CDH13: variants seen among roughly 807,000 people sequenced by gnomAD.
CDH13 encodes the protein cadherin 13.
CDH13 carries 24 observed loss-of-function variants against 63.8 expected under a neutral mutation model. That is an observed-to-expected ratio of 0.38 (90% CI 0.27 to 0.53). The LOEUF is 0.53. CDH13 is among the 20% of genes least tolerant of loss of function. CDH13 has a pLI of 0.85. For synonymous variants in CDH13, 503 were observed against 355.3 expected (o/e 1.42, Z -4.67); for missense variants, 1,049 against 903.1 (o/e 1.16, Z -2.07).
At chr16:82,638,538 C>G (rs899938555) in intron 1 of CDH13, among the ~76,000 whole-genome samples, 1 of 152,140 alleles carries the variant, frequency 6.6e-6, no homozygotes, top group African/African-American at 2.4e-5. Context: ...ACTTTTCACC[C>G]TATGCTCCAA....
intron 8 of CDH13, among the ~76,000 whole-genome samples, chr16:83,661,505 G>C (rs969695703): frequency 2.0e-5 from 3 of 149,608 alleles, no homozygotes; most frequent in Non-Finnish European, 4.5e-5. Context: ...AAAAAATCTT[G>C]TTCTCAGGAA....
intron 2 of CDH13, among the ~76,000 whole-genome samples, chr16:82,920,504 C>G (rs915724411): frequency 7.9e-5 from 12 of 152,194 alleles, no homozygotes; most frequent in Non-Finnish European, 7.3e-5. Flanking sequence ...TCAAATGCCC[C>G]TCCTACAACT....
intron 1 of CDH13, among the ~76,000 whole-genome samples, chr16:82,667,635 ACAGAGCCCAGG>A (rs1296103025): frequency 6.6e-6 from 1 of 152,128 alleles, no homozygotes; most frequent in Non-Finnish European, 1.5e-5. Context: ...CTGAAGTTGG[ACAGAGCCCAGG>A]CAGAGCTGAG....
chr16:83,446,284 C>G (rs980092352), intron 6 of CDH13, among the ~76,000 whole-genome samples: 3 of 131,670 alleles, frequency 2.3e-5, no homozygotes, highest in Admixed American at 1.7e-4. Flanking sequence ...GCCTGGGCGA[C>G]AGAGTGAGAC....
At chr16:82,997,192 T>C (rs530046549) in intron 2 of CDH13, among the ~76,000 whole-genome samples, 94 of 152,190 alleles carry the variant, frequency 6.2e-4, no homozygotes, top group African/African-American at 2.2e-3. Flanking sequence ...GTGATGTTGA[T>C]GGTAGTGATG....
At chr16:83,124,783 G>A (rs776611440) in intron 3 of CDH13, among the ~76,000 whole-genome samples, 8 of 152,044 alleles carry the variant, frequency 5.3e-5, no homozygotes, top group South Asian at 2.1e-4. Context: ...TGAATAGAGC[G>A]TCATTTCCCT....
At chr16:82,660,227 T>C (rs919637665) in intron 1 of CDH13, among the ~76,000 whole-genome samples, 1 of 151,962 alleles carries the variant, frequency 6.6e-6, no homozygotes, top group East Asian at 1.9e-4. Flanking sequence ...AGTATCTTGG[T>C]TTGTGTAAGA....
chr16:83,586,008 A>G (rs906515564), intron 7 of CDH13, among the ~76,000 whole-genome samples: 40 of 152,222 alleles, frequency 2.6e-4, no homozygotes, highest in African/African-American at 9.4e-4. Flanking sequence ...CACAGCAACC[A>G]CAGCAACTTC....
At chr16:82,726,133 G>A (rs555598944) in intron 1 of CDH13, among the ~76,000 whole-genome samples, 24 of 152,252 alleles carry the variant, frequency 1.6e-4, no homozygotes, top group African/African-American at 2.2e-4. Context: ...ATATCCAGAC[G>A]TAAATGTGTG....
chr16:83,511,156 G>A (rs1253000039), intron 7 of CDH13, among the ~76,000 whole-genome samples: 3 of 151,948 alleles, frequency 2.0e-5, no homozygotes, highest in Admixed American at 1.3e-4. Flanking sequence ...ATGCACACAC[G>A]CTCACACACA....
chr16:82,715,095 A>T lies in CDH13; in HGVS notation c.45+87958A>T, dbSNP rs534724214. On this transcript the variant is annotated intron_variant, in intron 1 of 13. Transcript: ENST00000567109. ...TTGGGGCAGCACTGGGAACTTAGACAGGACCCTAGCTAAGTTCCATTCTGA... is the reference window on the plus strand; with the variant it reads ...TTGGGGCAGCACTGGGAACTTAGACTGGACCCTAGCTAAGTTCCATTCTGA... Among the ~76,000 whole-genome samples, 59 of 150,080 alleles carry T rather than the reference A, an allele frequency of 3.9e-4. 1 individual carries two copies. Among genetic ancestry groups the T allele is most frequent in the South Asian group, 1.3e-3 (6 of 4,520 alleles).
At chr16:83,323,947 C>T (rs2080013953) in intron 5 of CDH13, among the ~76,000 whole-genome samples, 1 of 152,206 alleles carries the variant, frequency 6.6e-6, no homozygotes, top group South Asian at 2.1e-4. Flanking sequence ...AATTCACACA[C>T]CACACAATTC....
At chr16:83,265,727 C>CTTTTTTTTTTTTTTT (rs71272416) in intron 5 of CDH13, among the ~76,000 whole-genome samples, 8 of 42,564 alleles carry the variant, frequency 1.9e-4, no homozygotes, top group Non-Finnish European at 2.9e-4. Context: ...TAAATTTCTG[C>CTTTTTTTTTTTTTTT]TTTTTTTTTT....
rs186217349 is a variant in CDH13, at chr16:83,033,315, C to T, written c.366+1097C>T. Among the ~76,000 whole-genome samples the T allele has an allele frequency of 2.2e-3, 326 of 151,156 alleles. 1 individual carries two copies. Among genetic ancestry groups the T allele is most frequent in the Middle Eastern group, 0.017 (5 of 288 alleles). On this transcript the variant is annotated intron_variant, in intron 3 of 13. Coordinates refer to ENST00000567109, the MANE Select transcript of CDH13 (RefSeq NM_001257.5). ...TTGTTTACGGTTCTGTATATATATA[C>T]GGTGTATATGTATGTCTATATGTAT...
At chr16:82,667,055 A>C (rs1361218210) in intron 1 of CDH13, among the ~76,000 whole-genome samples, 2 of 152,122 alleles carry the variant, frequency 1.3e-5, no homozygotes, top group Non-Finnish European at 2.9e-5. Context: ...CAAACTGACA[A>C]AGGAATCAGC....
chr16:83,247,018 A>G (rs1452492036), intron 5 of CDH13, among the ~76,000 whole-genome samples: 1 of 152,166 alleles, frequency 6.6e-6, no homozygotes, highest in Non-Finnish European at 1.5e-5. Flanking sequence ...ACCAGAAAGG[A>G]TATCAGATTA....
At chr16:83,063,277 A>C (rs1222078342) in intron 3 of CDH13, among the ~76,000 whole-genome samples, 2 of 152,106 alleles carry the variant, frequency 1.3e-5, no homozygotes, top group African/African-American at 4.8e-5. Context: ...GTTGGCTTTT[A>C]AAGGGAGCAG....
chr16:83,478,894 T>G (rs2073684316), intron 6 of CDH13, among the ~76,000 whole-genome samples: 1 of 149,600 alleles, frequency 6.7e-6, no homozygotes, highest in Non-Finnish European at 1.5e-5. Flanking sequence ...TGGCCTCCAA[T>G]TGGACATCCC....
intron 2 of CDH13, among the ~76,000 whole-genome samples, chr16:82,988,315 A>G (rs1317881019): frequency 2.6e-5 from 4 of 152,112 alleles, no homozygotes; most frequent in Non-Finnish European, 5.9e-5. Context: ...GACTTGAGGG[A>G]ATGTTTTTTG....
Sources: allele counts gnomAD v4.1 joint callset (sites outside exome capture counted in the v4.1 genomes callset), GRCh38; gene constraint gnomAD v4.1.1; transcripts MANE v1.5; gene names NCBI Gene and HGNC (gene_info 2026-07-23, HGNC 2026-07-21).